Variants in MAPK10 observed in about 807,000 individuals in gnomAD.
The protein encoded by MAPK10 is mitogen-activated protein kinase 10, also known as JNK3 alpha protein kinase.
A neutral mutation model predicts 59.3 loss-of-function variants in MAPK10; 25 were observed. That is an observed-to-expected ratio of 0.42 (90% CI 0.31 to 0.59). The LOEUF (loss-of-function observed/expected upper bound fraction) is 0.59. Ranked by LOEUF, MAPK10 falls within the 20% of genes least tolerant of loss-of-function variation. The pLI, the probability that MAPK10 is intolerant of heterozygous loss-of-function variation, is 0.15. For missense variants in MAPK10, 351 were observed against 568.9 expected (o/e 0.62, Z 3.90); for synonymous variants, 190 against 200.5 (o/e 0.95, Z 0.44).
upstream of MAPK10, among the ~76,000 whole-genome samples, chr4:86,454,999 T>G (rs1751106808): frequency 6.6e-6 from 1 of 152,052 alleles, no homozygotes; most frequent in Non-Finnish European, 1.5e-5. Context: ...ACAAAACAAT[T>G]ATCAGCCAAG....
At chr4:86,209,605 T>G (rs78639656) in intron 2 of MAPK10, among the ~76,000 whole-genome samples, 12,919 of 151,942 alleles carry the variant, frequency 0.085, 1,217 homozygotes, top group African/African-American at 0.23. Flanking sequence ...AGTTTTTACA[T>G]TGATGAAAGA....
At chr4:86,032,901 A>G (rs1391434622) in intron 11 of MAPK10, among the ~76,000 whole-genome samples, 1 of 152,190 alleles carries the variant, frequency 6.6e-6, no homozygotes, top group East Asian at 1.9e-4. Context: ...GAAGGCTGTA[A>G]ACCTCACCTA....
chr4:86,544,620 T>C (rs1032861241), intron 1 of MAPK10, among the ~76,000 whole-genome samples: 3 of 152,100 alleles, frequency 2.0e-5, no homozygotes, highest in Non-Finnish European at 2.9e-5. Context: ...ACAGAGAAAA[T>C]AAAAAAACTA....
At chr4:86,062,169 A>C (rs2045881205) in intron 11 of MAPK10, among the ~76,000 whole-genome samples, 2 of 152,112 alleles carry the variant, frequency 1.3e-5, no homozygotes, top group South Asian at 4.1e-4. Context: ...TCTAGATGTA[A>C]GACATGTTTA....
intron 1 of MAPK10, among the ~76,000 whole-genome samples, chr4:86,373,131 C>A (rs1739168812): frequency 6.6e-6 from 1 of 152,140 alleles, no homozygotes; most frequent in Non-Finnish European, 1.5e-5. Context: ...TGAGTTTCAA[C>A]AAACCTCACA....
At chr4:86,247,869 T>C (rs2093197317) in intron 2 of MAPK10, among the ~76,000 whole-genome samples, 1 of 152,180 alleles carries the variant, frequency 6.6e-6, no homozygotes, top group Admixed American at 6.5e-5. Context: ...TGTAGGTTAA[T>C]GGCAAAAAGT....
rs1221541820 is a variant in MAPK10, at chr4:86,437,843, T to G, written c.-122+15187A>C. Among the ~76,000 whole-genome samples, 3 of 152,180 alleles carry G rather than the reference T, an allele frequency of 2.0e-5. No individual in the cohort carries two copies. In the East Asian group the frequency reaches 5.8e-4, roughly 29 times the overall value. On this transcript the variant is annotated intron_variant, in intron 1 of 13. Transcript: ENST00000361569. ...CACAAAACTGGGGGAAAAGACATAA[T>G]TGCCCCTCAAAAGTAAAATGCATAA...
chr4:86,206,549 G>A (rs1227128649), intron 2 of MAPK10, among the ~76,000 whole-genome samples: 1 of 152,088 alleles, frequency 6.6e-6, no homozygotes, highest in Non-Finnish European at 1.5e-5. Flanking sequence ...ATAGTCCTTT[G>A]GGTATATACC....
At chr4:86,419,401 G>T (rs1029920563) in intron 1 of MAPK10, among the ~76,000 whole-genome samples, 1 of 152,082 alleles carries the variant, frequency 6.6e-6, no homozygotes, top group African/African-American at 2.4e-5. Flanking sequence ...ATGGCATGAT[G>T]TGTATATACA....
At chr4:86,368,779 AT>A (rs112462504) in intron 1 of MAPK10, among the ~76,000 whole-genome samples, 3,579 of 149,800 alleles carry the variant, frequency 0.024, 45 homozygotes, top group Non-Finnish European at 0.031. Flanking sequence ...TCCTAATAGC[AT>A]TTTTTTTTTG....
chr4:86,328,064 GT>G (rs2096068157), intron 2 of MAPK10, among the ~76,000 whole-genome samples: 1 of 152,082 alleles, frequency 6.6e-6, no homozygotes, highest in Non-Finnish European at 1.5e-5. Context: ...TAAAAGGTGG[GT>G]CCTTGAAGAA....
At chr4:86,566,451 C>T (rs985082441) in intron 1 of MAPK10, among the ~76,000 whole-genome samples, 13 of 152,124 alleles carry the variant, frequency 8.5e-5, no homozygotes, top group African/African-American at 2.4e-4. Context: ...CGGTGGCTCA[C>T]GCCTGTAATC....
chr4:86,474,806 C>A (rs1183572199), intron 1 of MAPK10, among the ~76,000 whole-genome samples: 2 of 152,172 alleles, frequency 1.3e-5, no homozygotes, highest in Non-Finnish European at 2.9e-5. Context: ...GCCATCATAT[C>A]CCCTGTGACC....
chr4:86,322,247 C>T (rs1024443675), intron 2 of MAPK10, among the ~76,000 whole-genome samples: 1 of 152,288 alleles, frequency 6.6e-6, no homozygotes, highest in Non-Finnish European at 1.5e-5. Context: ...GAAAAATTTG[C>T]ATTTGTTTGT....
chr4:86,542,606 C>T (rs768631971), intron 1 of MAPK10: 3 of 154,246 alleles, frequency 1.9e-5, no homozygotes, highest in Non-Finnish European at 4.4e-5. Flanking sequence ...GTGAGACTCT[C>T]TCTAAAAAAA....
chr4:86,399,428 T>G (rs2149016117), intron 1 of MAPK10, among the ~76,000 whole-genome samples: 1 of 152,320 alleles, frequency 6.6e-6, no homozygotes, highest in South Asian at 2.1e-4. Context: ...TGCTTATGTC[T>G]TTTGCCCACT....
Position 86,348,440 on chromosome 4 carries a change from T to A in MAPK10, c.-7+6090A>T, listed in dbSNP as rs536360047. ...GGCACTCTATAAATGTTAGCCACTA[T>A]TGTAGTTCTTTATTATAACCCCCAT... On this transcript the variant is annotated intron_variant, in intron 2 of 13. Transcript: ENST00000641462. Among the ~76,000 whole-genome samples the A allele has an allele frequency of 1.8e-4, 27 of 152,294 alleles. 2 individuals are homozygous for A. The East Asian group carries it at 3.3e-3, about 19-fold the overall frequency.
intron 2 of MAPK10, among the ~76,000 whole-genome samples, chr4:86,351,218 A>C (rs1256082091): frequency 2.0e-5 from 3 of 152,066 alleles, no homozygotes; most frequent in Non-Finnish European, 4.4e-5. Flanking sequence ...GGACTTTATA[A>C]AATGAATTAT....
intron 1 of MAPK10, among the ~76,000 whole-genome samples, chr4:86,379,923 A>G (rs1740431090): frequency 1.3e-5 from 2 of 151,946 alleles, no homozygotes; most frequent in South Asian, 2.1e-4. Flanking sequence ...CTGGTCTTGC[A>G]CTTTTCATTT....
Sources: allele counts gnomAD v4.1 joint callset (sites outside exome capture counted in the v4.1 genomes callset), GRCh38; gene constraint gnomAD v4.1.1; transcripts MANE v1.5; gene names NCBI Gene and HGNC (gene_info 2026-07-23, HGNC 2026-07-21).